PDZRN4: variants seen among roughly 807,000 people sequenced by gnomAD.
The protein encoded by PDZRN4 is PDZ domain-containing RING finger protein 4.
PDZRN4 carries 70 observed loss-of-function variants against 99.0 expected under a neutral mutation model. The observed-to-expected ratio is 0.71, with a 90% CI of 0.58 to 0.86. The LOEUF (loss-of-function observed/expected upper bound fraction) is 0.86. Among genes scored for constraint, PDZRN4 ranks in the 40% least tolerant of loss-of-function variants. The probability of loss-of-function intolerance (pLI) is 0.00; values close to 1 mark genes in which losing one functional copy is unlikely to be tolerated. For missense variants in PDZRN4, 1,474 were observed against 1,331.2 expected (o/e 1.11, Z -1.67); for synonymous variants, 551 against 501.6 (o/e 1.10, Z -1.32).
chr12:41,451,955 A>T (rs1285028408), intron 3 of PDZRN4, among the ~76,000 whole-genome samples: 1 of 152,318 alleles, frequency 6.6e-6, no homozygotes, highest in East Asian at 1.9e-4. Flanking sequence ...CTTTCTGGCC[A>T]GTATTATCTG....
chr12:41,428,392 G>A (rs1029286267), intron 3 of PDZRN4, among the ~76,000 whole-genome samples: 4 of 152,110 alleles, frequency 2.6e-5, no homozygotes, highest in African/African-American at 9.7e-5. Flanking sequence ...TGCTCCATGA[G>A]ATCTGGGACC....
intron 3 of PDZRN4, among the ~76,000 whole-genome samples, chr12:41,294,992 C>T (rs1257470913): frequency 6.6e-6 from 1 of 150,436 alleles, no homozygotes; most frequent in African/African-American, 2.5e-5. Context: ...GAAATGTGGT[C>T]ATAGACATGT....
At chr12:41,528,365 A>C (rs1395160193) in intron 5 of PDZRN4, among the ~76,000 whole-genome samples, 2 of 152,220 alleles carry the variant, frequency 1.3e-5, no homozygotes, top group African/African-American at 4.8e-5. Context: ...TGAAGTCTCC[A>C]CAGTGCACTC....
intron 3 of PDZRN4, among the ~76,000 whole-genome samples, chr12:41,245,340 A>C (rs931856160): frequency 2.6e-5 from 4 of 152,196 alleles, no homozygotes; most frequent in African/African-American, 9.7e-5. Context: ...TTTTATCAAC[A>C]AACACATATC....
intron 5 of PDZRN4, among the ~76,000 whole-genome samples, chr12:41,539,737 G>A (rs1938815343): frequency 6.6e-6 from 1 of 152,074 alleles, no homozygotes; most frequent in Non-Finnish European, 1.5e-5. Flanking sequence ...AATAACACAT[G>A]CTGGAAAAGT....
In PDZRN4 at chr12:41,331,792, C is replaced by T. The variant is rs114156346; in HGVS notation, c.843+137604C>T. Among the ~76,000 whole-genome samples the T allele has an allele frequency of 6.1e-3, 920 of 151,994 alleles. 10 individuals carry two copies. The highest frequency in any genetic ancestry group is 0.021 in the African/African-American group (863 of 41,464). On this transcript the variant is annotated intron_variant, in intron 3 of 9. Coordinates refer to ENST00000402685, the MANE Select transcript of PDZRN4 (RefSeq NM_001164595.2). ...GGGCGGCAGGAGAGAGAATGAGAAC[C>T]GAGCAAAGCAAGAAAAGCCCCTTAT...
At chr12:41,470,431 A>G (rs554894831) in intron 3 of PDZRN4, among the ~76,000 whole-genome samples, 3 of 151,970 alleles carry the variant, frequency 2.0e-5, no homozygotes, top group Admixed American at 6.5e-5. Flanking sequence ...ACCTTCCTCC[A>G]TATGATTCAG....
intron 3 of PDZRN4, among the ~76,000 whole-genome samples, chr12:41,375,871 GC>G (rs1242499512): frequency 2.0e-5 from 3 of 152,026 alleles, no homozygotes; most frequent in Non-Finnish European, 4.4e-5. Flanking sequence ...CAGAGCTTCT[GC>G]TTATATTTTG....
chr12:41,251,374 T>C (rs897264505), intron 3 of PDZRN4, among the ~76,000 whole-genome samples: 15 of 152,182 alleles, frequency 9.9e-5, no homozygotes, highest in African/African-American at 3.6e-4. Flanking sequence ...TTCTTAAAAT[T>C]TGTAAACTGC....
chr12:41,415,597 G>A (rs934894311), intron 3 of PDZRN4, among the ~76,000 whole-genome samples: 4 of 152,046 alleles, frequency 2.6e-5, no homozygotes, highest in African/African-American at 4.8e-5. Context: ...GTGAAATTCA[G>A]ACTTTGGGGA....
intron 3 of PDZRN4, among the ~76,000 whole-genome samples, chr12:41,227,937 G>T (rs1951005837): frequency 6.7e-6 from 1 of 149,264 alleles, no homozygotes; most frequent in Admixed American, 6.7e-5. Flanking sequence ...GGTTGAAATG[G>T]TATATTACCA....
intron 3 of PDZRN4, among the ~76,000 whole-genome samples, chr12:41,462,708 G>A (rs1469912639): frequency 2.0e-5 from 3 of 152,004 alleles, no homozygotes; most frequent in African/African-American, 7.2e-5. Flanking sequence ...TTTAGATGAG[G>A]GGGAGACTCC....
chr12:41,395,079 C>A (rs374368498), intron 3 of PDZRN4, among the ~76,000 whole-genome samples: 4 of 152,064 alleles, frequency 2.6e-5, no homozygotes, highest in Non-Finnish European at 4.4e-5. Flanking sequence ...AATACACCCA[C>A]CCCTGTCCAG....
At chr12:41,533,714 T>C (rs1164987868) in intron 5 of PDZRN4, among the ~76,000 whole-genome samples, 4 of 152,214 alleles carry the variant, frequency 2.6e-5, no homozygotes, top group Non-Finnish European at 4.4e-5. Context: ...TGGATTATTA[T>C]TGCTTTGCAA....
chr12:41,217,660 G>C (rs1007904915), intron 3 of PDZRN4, among the ~76,000 whole-genome samples: 1 of 151,922 alleles, frequency 6.6e-6, no homozygotes, highest in Non-Finnish European at 1.5e-5. Flanking sequence ...CTATTCTCTG[G>C]GTAAAACAGA....
At chr12:41,414,944 A>G (rs1186077180) in intron 3 of PDZRN4, among the ~76,000 whole-genome samples, 2 of 152,154 alleles carry the variant, frequency 1.3e-5, no homozygotes, top group Non-Finnish European at 2.9e-5. Flanking sequence ...ACATGTGAAG[A>G]ACTGAATGAA....
At chr12:41,264,444 T>C (rs1047158429) in intron 3 of PDZRN4, among the ~76,000 whole-genome samples, 1 of 152,192 alleles carries the variant, frequency 6.6e-6, no homozygotes. Context: ...TAGTGGTTTG[T>C]AGTGGTTCAA....
intron 3 of PDZRN4, among the ~76,000 whole-genome samples, chr12:41,499,025 A>G (rs1938062371): frequency 6.6e-6 from 1 of 152,116 alleles, no homozygotes; most frequent in African/African-American, 2.4e-5. Context: ...AAAAACTTAC[A>G]AACGCATGAG....
At chr12:41,403,197 T>C (rs1476695513) in intron 3 of PDZRN4, among the ~76,000 whole-genome samples, 1 of 152,138 alleles carries the variant, frequency 6.6e-6, no homozygotes, top group African/African-American at 2.4e-5. Context: ...ACACATTTAA[T>C]ACTGAGCCCC....
Sources: allele counts gnomAD v4.1 joint callset (sites outside exome capture counted in the v4.1 genomes callset), GRCh38; gene constraint gnomAD v4.1.1; transcripts MANE v1.5; gene names NCBI Gene and HGNC (gene_info 2026-07-23, HGNC 2026-07-21).